Variants in GRHL2 observed in about 807,000 individuals in gnomAD.
GRHL2 encodes the protein grainyhead-like protein 2 homolog.
GRHL2 carries 21 observed loss-of-function variants against 83.8 expected under a neutral mutation model. The ratio of observed to expected loss-of-function variants is 0.25; its 90% CI spans 0.18 to 0.36. GRHL2 has a LOEUF of 0.36. Among genes scored for constraint, GRHL2 ranks in the 10% least tolerant of loss-of-function variants. The pLI, the probability that GRHL2 is intolerant of heterozygous loss-of-function variation, is 1.00. For synonymous variants in GRHL2, 280 were observed against 278.9 expected (o/e 1.00, Z -0.04); for missense variants, 623 against 781.8 (o/e 0.80, Z 2.42).
At chr8:101,543,212 T>G in intron 1 of GRHL2, 29 bp from the exon 2 acceptor site, 1 of 1,588,998 alleles carries the variant, frequency 6.3e-7, no homozygotes, top group Non-Finnish European at 8.6e-7. Context: ...TCTCTGAAAA[T>G]GAACCTCACA....
In GRHL2 at chr8:101,642,660, A is replaced by C. The variant is rs531081649; in HGVS notation, c.1518-1471A>C. On this transcript the variant is annotated intron_variant, in intron 12 of 15. Transcript: ENST00000646743. ...ACCTTCAGCTGGGATCTGGGTTTTA[A>C]GTTTTTTCTCTAGTTGTTTCCATAG... is the stretch of plus-strand genomic sequence containing the variant. 5.3e-5 allele frequency among the ~76,000 whole-genome samples: 8 copies of C among 152,304 alleles called. No homozygotes were observed. The South Asian group carries it at 1.7e-3, about 32-fold the overall frequency.
intron 1 of GRHL2, among the ~76,000 whole-genome samples, chr8:101,524,622 T>C (rs1810764465): frequency 6.6e-6 from 1 of 152,232 alleles, no homozygotes; most frequent in Admixed American, 6.5e-5. Context: ...TTTCAAAACA[T>C]ATAGTCTTTA....
chr8:101,570,295 T>C, intron 4 of GRHL2, 44 bp from the exon 5 acceptor site: 1 of 1,434,330 alleles, frequency 7.0e-7, no homozygotes, highest in Non-Finnish European at 9.8e-7. Context: ...TTTTGCATAA[T>C]GACTTACCTA....
intron 1 of GRHL2, among the ~76,000 whole-genome samples, chr8:101,515,263 G>A (rs922141064): frequency 1.3e-5 from 2 of 150,652 alleles, no homozygotes; most frequent in African/African-American, 2.4e-5. Context: ...TACTTCATCA[G>A]CTTTTCTTAC....
chr8:101,592,198 G>A (rs984827727), intron 7 of GRHL2, among the ~76,000 whole-genome samples: 2 of 129,458 alleles, frequency 1.5e-5, no homozygotes, highest in South Asian at 2.6e-4. Flanking sequence ...TCCGCCTCCC[G>A]GGTTCAAGCA....
chr8:101,649,424 C>T lies in GRHL2; in HGVS notation c.1623C>T (p.Tyr541=), dbSNP rs753392037. The T allele has an allele frequency of 9.9e-6, 16 of 1,613,686 alleles. No individual in the cohort carries two copies. The highest frequency in any genetic ancestry group is 2.2e-5 in the South Asian group (2 of 91,038). Reference sequence around the variant, plus strand: ...GCCCATCTCTTCCAGTGCTCTTGTACGTGAGGAAGGAGACTGACGATGTGT... The same window carrying T: ...GCCCATCTCTTCCAGTGCTCTTGTATGTGAGGAAGGAGACTGACGATGTGT... ...KEEGTKRVLL[Y]VRKETDDVFD... is the part of the protein sequence containing the mutation. Residue 541 remains tyrosine, a synonymous_variant, in exon 14 of 16, where the codon TAC becomes TAT. Coordinates refer to ENST00000646743, the MANE Select transcript of GRHL2 (RefSeq NM_024915.4).
chr8:101,597,238 TCA>T (rs1812409694), intron 7 of GRHL2, among the ~76,000 whole-genome samples: 1 of 152,148 alleles, frequency 6.6e-6, no homozygotes. Flanking sequence ...TGAATTTTTA[TCA>T]CAGAGATGTC....
intron 9 of GRHL2, among the ~76,000 whole-genome samples, chr8:101,627,858 C>T (rs140145075): frequency 1.6e-3 from 251 of 152,246 alleles, no homozygotes; most frequent in African/African-American, 5.7e-3. Flanking sequence ...ACAACATTCC[C>T]TTAGGCCAAA....
At chr8:101,526,792 T>C (rs568642299) in intron 1 of GRHL2, among the ~76,000 whole-genome samples, 5 of 152,318 alleles carry the variant, frequency 3.3e-5, no homozygotes, top group African/African-American at 1.2e-4. Context: ...TATTTCGGTA[T>C]GCAGTCAAAG....
At position 101,631,743 on chromosome 8, in the gene GRHL2, A is replaced by G. The variant is rs1472092892; in HGVS notation, c.1345+19A>G. The G allele has an allele frequency of 6.3e-7, 1 of 1,599,212 alleles. No homozygotes were observed. Among genetic ancestry groups the G allele is most frequent in the Non-Finnish European group, 8.6e-7 (1 of 1,166,624 alleles). ...AACAGCTGTGAGTTTCACTGAGACT[A>G]ATGTTGCTTTCTAAAGACTCCAGGT... On this transcript the variant is annotated intron_variant, in intron 10 of 15. Transcript: ENST00000646743.
rs1034101628 is a variant in GRHL2 at position 101,668,150 on chromosome 8, A to G, written c.*1447A>G. The G allele has an allele frequency of 6.6e-6, 1 of 152,482 alleles. No homozygotes were observed. The highest frequency in any genetic ancestry group is 1.5e-5 in the Non-Finnish European group (1 of 68,056). The allele number at this position is 152,482 out of a possible 1,614,324, so 9.4% of individuals were successfully genotyped here. On this transcript the variant is annotated 3_prime_UTR_variant, in exon 16 of 16. Coordinates refer to ENST00000646743, the MANE Select transcript of GRHL2 (RefSeq NM_024915.4). ...AGCTGGAAGAGAAAAACACTCCCCT[A>G]AACAATCGCAAAATGATGAACCATC...
intron 1 of GRHL2, chr8:101,529,174 T>A (rs1810868177): frequency 3.6e-6 from 1 of 277,468 alleles, no homozygotes; most frequent in Non-Finnish European, 7.0e-6. Flanking sequence ...CTGAAAAATA[T>A]GCCTGGAGCC....
intron 1 of GRHL2, among the ~76,000 whole-genome samples, chr8:101,542,330 C>T (rs767564406): frequency 3.3e-5 from 5 of 152,084 alleles, no homozygotes; most frequent in African/African-American, 9.7e-5. Flanking sequence ...AATCCTTGCA[C>T]TCTGGGAGGC....
intron 8 of GRHL2, among the ~76,000 whole-genome samples, chr8:101,604,161 C>A (rs981930127): frequency 6.6e-6 from 1 of 152,036 alleles, no homozygotes; most frequent in African/African-American, 2.4e-5. Flanking sequence ...TTTCACATGA[C>A]TCCCATTTAC....
intron 4 of GRHL2, among the ~76,000 whole-genome samples, chr8:101,565,762 G>GTCCTCCCAT (rs1811704769): frequency 6.6e-6 from 1 of 152,164 alleles, no homozygotes; most frequent in South Asian, 2.1e-4. Flanking sequence ...TCTCCCATTA[G>GTCCTCCCAT]TCCTCCCATG....
Position 101,667,342 on chromosome 8 carries a change from T to C in GRHL2, c.*639T>C, listed in dbSNP as rs184172614. The C allele has an allele frequency of 1.4e-3, 234 of 163,460 alleles. No individual in the cohort carries two copies. Among genetic ancestry groups the C allele is most frequent in the Non-Finnish European group, 2.3e-3 (172 of 73,486 alleles). The allele number at this position is 163,460 out of a possible 1,614,324, so 10.1% of individuals were successfully genotyped here. ...AAAGTCTGCCTGTCTGCATTGTACA[T>C]AGTGTTTATAATATTGTAATAATAT... On this transcript the variant is annotated 3_prime_UTR_variant, in exon 16 of 16. Coordinates refer to ENST00000646743, the MANE Select transcript of GRHL2 (RefSeq NM_024915.4).
intron 14 of GRHL2, among the ~76,000 whole-genome samples, chr8:101,651,381 T>A (rs1813618839): frequency 6.6e-6 from 1 of 152,188 alleles, no homozygotes; most frequent in African/African-American, 2.4e-5. Flanking sequence ...AGGGAGGAAG[T>A]GGGGATCAGG....
chr8:101,561,096 T>G (rs1811599473), intron 4 of GRHL2, among the ~76,000 whole-genome samples: 1 of 152,104 alleles, frequency 6.6e-6, no homozygotes, highest in African/African-American at 2.4e-5. Context: ...TTTTTGTTTT[T>G]CTTTAGATGT....
intron 8 of GRHL2, among the ~76,000 whole-genome samples, chr8:101,606,353 C>A (rs780515405): frequency 2.0e-5 from 3 of 152,118 alleles, no homozygotes; most frequent in Non-Finnish European, 4.4e-5. Flanking sequence ...GTTGATATTT[C>A]CTCTGGGCCC....
Sources: allele counts gnomAD v4.1 joint callset (sites outside exome capture counted in the v4.1 genomes callset), GRCh38; gene constraint gnomAD v4.1.1; transcripts MANE v1.5; gene names NCBI Gene and HGNC (gene_info 2026-07-23, HGNC 2026-07-21).